The following TNRC6B variants were observed in gnomAD, a reference collection of about 807,000 sequenced individuals.
TNRC6B encodes the protein trinucleotide repeat-containing gene 6B protein.
A neutral mutation model predicts 203.6 loss-of-function variants in TNRC6B; 52 were observed. The observed-to-expected ratio is 0.26, with a 90% CI of 0.20 to 0.32. The LOEUF (loss-of-function observed/expected upper bound fraction) is 0.32, where lower values mean the gene tolerates loss of function less well. Ranked by LOEUF, TNRC6B falls within the 10% of genes least tolerant of loss-of-function variation. The pLI is 1.00. For missense variants in TNRC6B, 1,923 were observed against 2,286.2 expected (o/e 0.84, Z 3.24); for synonymous variants, 838 against 845.7 (o/e 0.99, Z 0.16).
In TNRC6B at chr22:40,300,479, T is replaced by C. The variant is rs745901211; in HGVS notation, c.3733T>C (p.Phe1245Leu). 16 of 1,597,894 alleles carry C rather than the reference T, an allele frequency of 1.0e-5. No homozygotes were observed. The highest frequency in any genetic ancestry group is 1.4e-5 in the Non-Finnish European group (16 of 1,175,400). ...PQVSASMLKQ[F>L]PNSGLSPGLF... Reference sequence around the variant, plus strand: ...GGTTTCTGCCTCAATGCTCAAGCAGTTTCCCAACAGTGGCCTGAGTCCAGG... The same window carrying C: ...GGTTTCTGCCTCAATGCTCAAGCAGCTTCCCAACAGTGGCCTGAGTCCAGG... Residue 1245 changes from phenylalanine (F) to leucine (L), a missense_variant, in exon 13 of 23, where the codon TTT becomes CTT. Phe to Leu is a conservative substitution (Grantham distance 22). Transcript: ENST00000454349.
intron 3 of TNRC6B, among the ~76,000 whole-genome samples, chr22:40,147,380 G>T (rs1020155021): frequency 6.6e-6 from 1 of 152,148 alleles, no homozygotes; most frequent in Non-Finnish European, 1.5e-5. Context: ...ATGGTTGATG[G>T]TTCCACAGTA....
intron 3 of TNRC6B, among the ~76,000 whole-genome samples, chr22:40,154,432 C>G (rs1446547377): frequency 1.3e-5 from 2 of 151,448 alleles, no homozygotes; most frequent in African/African-American, 4.9e-5. Context: ...TCATTGCACT[C>G]CAACCTGGGT....
At chr22:40,149,320 A>T (rs1248537653) in intron 3 of TNRC6B, among the ~76,000 whole-genome samples, 1 of 152,206 alleles carries the variant, frequency 6.6e-6, no homozygotes, top group African/African-American at 2.4e-5. Flanking sequence ...AGCTGCATCT[A>T]TAGTGATAGA....
chr22:40,314,047 TG>T (rs1372878089), intron 19 of TNRC6B, among the ~76,000 whole-genome samples: 1 of 152,198 alleles, frequency 6.6e-6, no homozygotes, highest in East Asian at 1.9e-4. Context: ...AACTTAACTC[TG>T]GTTACCCAAC....
Position 40,141,838 on chromosome 22 carries a change from G to A in TNRC6B, c.46-14277G>A, listed in dbSNP as rs189800152. 1.6e-4 allele frequency among the ~76,000 whole-genome samples: 24 copies of A among 151,932 alleles called. No homozygotes were observed. In the East Asian group the frequency reaches 2.5e-3, roughly 16 times the overall value. On this transcript the variant is annotated intron_variant, in intron 3 of 23. Transcript: ENST00000301923. ...CACCCAGGTTGGAGTGCAGTGGCGC[G>A]ATCTCTGCTCACTGCAAGCTCTGCC...
At chr22:40,216,177 T>C (rs2069632381) in intron 1 of TNRC6B, among the ~76,000 whole-genome samples, 2 of 152,242 alleles carry the variant, frequency 1.3e-5, no homozygotes, top group South Asian at 4.1e-4. Flanking sequence ...GTCTGCTTCT[T>C]ACCTAGTCAG....
intron 1 of TNRC6B, among the ~76,000 whole-genome samples, chr22:40,082,653 A>G (rs1307338081): frequency 1.3e-5 from 2 of 152,234 alleles, no homozygotes; most frequent in Non-Finnish European, 2.9e-5. Flanking sequence ...CAAGGCTGGG[A>G]ACAGAGAGAC....
rs575409068 is a variant in TNRC6B at position 40,113,966 on chromosome 22, A to T, written c.-120-3089A>T. Among the ~76,000 whole-genome samples, 3 of 152,298 alleles carry T rather than the reference A, an allele frequency of 2.0e-5. No homozygotes were observed. The South Asian group carries it at 6.2e-4, about 32-fold the overall frequency. ...TTATTTGCGACTCAATTAAAAGTTT[A>T]TAGTGTATTCTTAATAATCTGTATC... On this transcript the variant is annotated intron_variant, in intron 1 of 23. Transcript: ENST00000301923.
chr22:40,159,436 G>A (rs1372240705), intron 4 of TNRC6B, among the ~76,000 whole-genome samples: 10 of 147,844 alleles, frequency 6.8e-5, no homozygotes, highest in East Asian at 2.1e-4. Flanking sequence ...TCAGGAGATC[G>A]AGACCATCCT....
chr22:40,263,753 G>A (rs533125247), intron 4 of TNRC6B, among the ~76,000 whole-genome samples: 1 of 152,332 alleles, frequency 6.6e-6, no homozygotes, highest in East Asian at 1.9e-4. Flanking sequence ...CCTTGGGGTT[G>A]TGAACTCTGC....
intron 1 of TNRC6B, among the ~76,000 whole-genome samples, chr22:40,244,292 A>G (rs992538489): frequency 1.3e-5 from 2 of 152,206 alleles, no homozygotes; most frequent in African/African-American, 4.8e-5. Context: ...TCTGACTCCA[A>G]AGAAATCCAG....
chr22:40,269,532 C>T (rs1229188910), intron 5 of TNRC6B, among the ~76,000 whole-genome samples: 10 of 152,058 alleles, frequency 6.6e-5, no homozygotes, highest in Admixed American at 2.6e-4. Flanking sequence ...ATCAGTGATG[C>T]GGTGAGTATT....
intron 11 of TNRC6B, among the ~76,000 whole-genome samples, chr22:40,283,900 C>A (rs1404970709): frequency 6.6e-6 from 1 of 152,214 alleles, no homozygotes; most frequent in Non-Finnish European, 1.5e-5. Context: ...CTGGCAGGAA[C>A]TTTAGTTACC....
At chr22:40,140,425 C>T (rs970945647) in intron 3 of TNRC6B, among the ~76,000 whole-genome samples, 17 of 152,294 alleles carry the variant, frequency 1.1e-4, no homozygotes, top group African/African-American at 3.8e-4. Context: ...ACATGGAACA[C>T]AGACATGAAG....
chr22:40,276,813 T>C (rs1413626746), intron 7 of TNRC6B: 2 of 298,156 alleles, frequency 6.7e-6, no homozygotes, highest in Admixed American at 5.0e-5. Flanking sequence ...CTTCTTTCTA[T>C]TTGAAAAGCA....
At chr22:40,061,052 A>C (rs1378788104) in intron 1 of TNRC6B, among the ~76,000 whole-genome samples, 1 of 152,208 alleles carries the variant, frequency 6.6e-6, no homozygotes, top group Admixed American at 6.5e-5. Context: ...CGACTTTTCC[A>C]AGGATAGTAG....
chr22:40,310,780 G>C (rs1286776242), intron 16 of TNRC6B, 37 bp from the exon 17 acceptor site: 2 of 1,581,494 alleles, frequency 1.3e-6, no homozygotes, highest in African/African-American at 1.4e-5. Context: ...ATTCATAGGA[G>C]TTATTCTGGA....
At position 40,265,997 on chromosome 22, in the gene TNRC6B, C is replaced by G; in HGVS notation, c.1767C>G (p.Gly589=). 3 of 1,613,880 alleles carry G rather than the reference C, an allele frequency of 1.9e-6. No homozygotes were observed. Among genetic ancestry groups the G allele is most frequent in the South Asian group, 1.1e-5 (1 of 91,092 alleles). ...GAAGTAGTGACAGTCATAACTCTGG[C>G]CGTCGGTCGTACAGGCCCACACATC... ...KAGSSDSHNS[G]RRSYRPTHPD... is the part of the protein sequence containing the mutation. Residue 589 remains glycine (G), a synonymous_variant, in exon 5 of 23, where the codon GGC becomes GGG. Coordinates refer to ENST00000454349, the MANE Select transcript of TNRC6B (RefSeq NM_001162501.2).
chr22:40,071,122 C>G (rs894731594), intron 1 of TNRC6B, among the ~76,000 whole-genome samples: 1 of 152,142 alleles, frequency 6.6e-6, no homozygotes, highest in Non-Finnish European at 1.5e-5. Context: ...AACCCACTTT[C>G]CTTTTTTTTT....
Sources: gnomAD v4.1 joint callset for allele counts (sites outside exome capture counted in the v4.1 genomes callset) on GRCh38, gnomAD v4.1.1 for gene constraint, MANE v1.5 for transcripts, NCBI Gene and HGNC (gene_info 2026-07-23, HGNC 2026-07-21) for gene names.